BRINP3: variants seen among roughly 807,000 people sequenced by gnomAD.
BRINP3 encodes BMP/retinoic acid inducible neural specific 3.
BRINP3 carries 19 observed loss-of-function variants against 71.0 expected under a neutral mutation model. The observed-to-expected ratio is 0.27, with a 90% CI of 0.19 to 0.39. The LOEUF (loss-of-function observed/expected upper bound fraction) is 0.39, where lower values mean the gene tolerates loss of function less well. BRINP3 is among the 10% of genes least tolerant of loss of function. BRINP3 has a pLI of 1.00. For synonymous variants in BRINP3, 380 were observed against 337.7 expected (o/e 1.13, Z -1.37); for missense variants, 959 against 940.8 (o/e 1.02, Z -0.25).
At chr1:190,159,852 T>C (rs1464142645) in intron 7 of BRINP3, among the ~76,000 whole-genome samples, 7 of 152,102 alleles carry the variant, frequency 4.6e-5, no homozygotes. Flanking sequence ...AATGTTTTCT[T>C]TTTAAATGGA....
chr1:190,350,347 A>C (rs1023932961), intron 2 of BRINP3, among the ~76,000 whole-genome samples: 1 of 152,114 alleles, frequency 6.6e-6, no homozygotes, highest in Non-Finnish European at 1.5e-5. Flanking sequence ...AGATTCCCAG[A>C]AAAGTTCCTA....
intron 4 of BRINP3, among the ~76,000 whole-genome samples, chr1:190,258,088 G>A (rs1461913101): frequency 6.6e-6 from 1 of 152,220 alleles, no homozygotes; most frequent in African/African-American, 2.4e-5. Context: ...CCTGCCCCCA[G>A]AGGTGGAGTC....
chr1:190,447,798 C>A (rs1675329190), intron 2 of BRINP3, among the ~76,000 whole-genome samples: 1 of 151,094 alleles, frequency 6.6e-6, no homozygotes, highest in Non-Finnish European at 1.5e-5. Flanking sequence ...CTTAAATAAC[C>A]CTGGTATATC....
chr1:190,394,276 G>T (rs995074176), intron 2 of BRINP3, among the ~76,000 whole-genome samples: 2 of 151,340 alleles, frequency 1.3e-5, no homozygotes, highest in Non-Finnish European at 3.0e-5. Flanking sequence ...CCTTACTATG[G>T]AGTATTTAAT....
intron 7 of BRINP3, among the ~76,000 whole-genome samples, chr1:190,134,262 A>T (rs1439158917): frequency 6.6e-6 from 1 of 152,066 alleles, no homozygotes; most frequent in Non-Finnish European, 1.5e-5. Flanking sequence ...GCAAAGATGT[A>T]CAAAAGGATA....
intron 7 of BRINP3, among the ~76,000 whole-genome samples, chr1:190,110,742 T>C (rs748886741): frequency 2.0e-5 from 3 of 152,118 alleles, no homozygotes; most frequent in East Asian, 1.9e-4. Flanking sequence ...CCATTAGGAA[T>C]AGATTTTTAG....
chr1:190,110,366 G>T (rs879839256), intron 7 of BRINP3, among the ~76,000 whole-genome samples: 1 of 152,106 alleles, frequency 6.6e-6, no homozygotes, highest in Admixed American at 6.6e-5. Context: ...ATTTTTCTAG[G>T]TAATTATAAT....
intron 2 of BRINP3, among the ~76,000 whole-genome samples, chr1:190,402,616 T>G (rs965115768): frequency 2.6e-5 from 4 of 152,218 alleles, no homozygotes; most frequent in African/African-American, 9.6e-5. Context: ...AATATTAAGC[T>G]TTATATTCAA....
chr1:190,200,477 A>G (rs1219614772), intron 6 of BRINP3, among the ~76,000 whole-genome samples: 4 of 152,152 alleles, frequency 2.6e-5, no homozygotes, highest in Non-Finnish European at 5.9e-5. Flanking sequence ...GAACCTCACT[A>G]GGAACATAGA....
intron 2 of BRINP3, among the ~76,000 whole-genome samples, chr1:190,432,276 C>G (rs1292637547): frequency 1.3e-5 from 2 of 152,090 alleles, no homozygotes; most frequent in African/African-American, 4.8e-5. Context: ...AAATTCTACT[C>G]CAATTGAAAA....
chr1:190,343,557 G>A (rs1018188625), intron 2 of BRINP3, among the ~76,000 whole-genome samples: 5 of 151,712 alleles, frequency 3.3e-5, no homozygotes, highest in African/African-American at 1.2e-4. Flanking sequence ...ATATTTGAAT[G>A]CCTTGTATAT....
chr1:190,400,272 A>C (rs1671836616), intron 2 of BRINP3, among the ~76,000 whole-genome samples: 1 of 152,168 alleles, frequency 6.6e-6, no homozygotes, highest in African/African-American at 2.4e-5. Flanking sequence ...AACAGACAGA[A>C]TTGTAAGCTA....
chr1:190,352,787 G>C (rs1333661580), intron 2 of BRINP3, among the ~76,000 whole-genome samples: 1 of 151,632 alleles, frequency 6.6e-6, no homozygotes. Flanking sequence ...AAATTCATAA[G>C]AGAAAATACT....
intron 1 of BRINP3, among the ~76,000 whole-genome samples, chr1:190,462,668 C>T (rs1003708091): frequency 2.0e-5 from 3 of 152,026 alleles, no homozygotes; most frequent in East Asian, 3.9e-4. Flanking sequence ...AAGCATTTCA[C>T]GAAATTTTCT....
chr1:190,183,934 T>C (rs1653270605), intron 6 of BRINP3, among the ~76,000 whole-genome samples: 1 of 152,136 alleles, frequency 6.6e-6, no homozygotes, highest in Admixed American at 6.6e-5. Flanking sequence ...ACAATTGTTG[T>C]CTATCTTGCT....
At chr1:190,447,776 T>C (rs1675328246) in intron 2 of BRINP3, among the ~76,000 whole-genome samples, 1 of 151,490 alleles carries the variant, frequency 6.6e-6, no homozygotes, top group African/African-American at 2.4e-5. Flanking sequence ...TTAACTCTAT[T>C]TTTAACTTTT....
intron 2 of BRINP3, among the ~76,000 whole-genome samples, chr1:190,318,033 C>T (rs757109497): frequency 3.0e-4 from 45 of 152,172 alleles, no homozygotes; most frequent in Admixed American, 2.6e-3. Flanking sequence ...AATAAAAATA[C>T]TATTCCAAGG....
At chr1:190,352,411 T>A (rs1252059413) in intron 2 of BRINP3, among the ~76,000 whole-genome samples, 1 of 151,988 alleles carries the variant, frequency 6.6e-6, no homozygotes, top group East Asian at 1.9e-4. Context: ...AGGTGCTAAA[T>A]ATTCTGCAAT....
chr1:190,100,272 G>T (rs1289415725), intron 7 of BRINP3, among the ~76,000 whole-genome samples: 1 of 152,020 alleles, frequency 6.6e-6, no homozygotes, highest in Admixed American at 6.6e-5. Flanking sequence ...TGGATTTCCT[G>T]CAAAATATAT....
Sources: gnomAD v4.1 joint callset for allele counts (sites outside exome capture counted in the v4.1 genomes callset) on GRCh38, gnomAD v4.1.1 for gene constraint, MANE v1.5 for transcripts, NCBI Gene and HGNC (gene_info 2026-07-23, HGNC 2026-07-21) for gene names.